The following CLASP2 variants were observed in gnomAD, a reference collection of about 807,000 sequenced individuals.
CLASP2 encodes CLIP-associating protein 2.
Under a neutral mutation model 194.4 loss-of-function variants are expected in CLASP2, and 47 were observed. That is an observed-to-expected ratio of 0.24 (90% CI 0.19 to 0.31). The LOEUF (loss-of-function observed/expected upper bound fraction) is 0.31, where lower values mean the gene tolerates loss of function less well. CLASP2 is among the 10% of genes least tolerant of loss of function. CLASP2 has a pLI of 1.00. For synonymous variants in CLASP2, 619 were observed against 633.5 expected (o/e 0.98, Z 0.34); for missense variants, 1,445 against 1,823.6 (o/e 0.79, Z 3.78).
chr3:33,673,215 G>T (rs1157540143), intron 6 of CLASP2, among the ~76,000 whole-genome samples: 1 of 152,184 alleles, frequency 6.6e-6, no homozygotes, highest in Non-Finnish European at 1.5e-5. Context: ...ACCCACTAAG[G>T]GAAGCCCAAC....
intron 1 of CLASP2, among the ~76,000 whole-genome samples, chr3:33,707,163 C>T (rs983700241): frequency 6.6e-6 from 1 of 152,100 alleles, no homozygotes; most frequent in African/African-American, 2.4e-5. Context: ...GGAAATACAT[C>T]TTGTGATACC....
rs368242483 is a variant in CLASP2 at position 33,591,448 on chromosome 3, TAAAAC to T, written c.2068+942_2068+946del. Among the ~76,000 whole-genome samples the T allele has an allele frequency of 4.0e-4, 61 of 151,710 alleles. No homozygotes were observed. In the East Asian group the frequency reaches 9.8e-3, roughly 24 times the overall value. Reference sequence around the variant, plus strand: ...GGCAACACAGCAAGACCCCATCTCTTAAAACAAACAAAAAATTAGCCAGGCAGTGG... The same window carrying T: ...GGCAACACAGCAAGACCCCATCTCTTAAACAAAAAATTAGCCAGGCAGTGG... On this transcript the variant is annotated intron_variant, in intron 21 of 38. Coordinates refer to ENST00000682230, the MANE Select transcript of CLASP2 (RefSeq NM_001365631.1).
intron 21 of CLASP2, among the ~76,000 whole-genome samples, chr3:33,589,253 GAA>G (rs2068110466): frequency 6.6e-6 from 1 of 151,980 alleles, no homozygotes; most frequent in African/African-American, 2.4e-5. Flanking sequence ...ACTACCAACA[GAA>G]AAAGAGACAC....
intron 7 of CLASP2, among the ~76,000 whole-genome samples, chr3:33,650,274 T>G (rs1053494956): frequency 6.6e-6 from 1 of 152,202 alleles, no homozygotes; most frequent in Admixed American, 6.5e-5. Context: ...CATTAGTGAA[T>G]TGAAAGACAA....
At chr3:33,577,828 T>G (rs1277732694) in intron 23 of CLASP2, among the ~76,000 whole-genome samples, 2 of 152,178 alleles carry the variant, frequency 1.3e-5, no homozygotes, top group Non-Finnish European at 2.9e-5. Context: ...GCTAGCTAGC[T>G]CCTTCTAACA....
In CLASP2 at chr3:33,538,919, T is replaced by G; in HGVS notation, c.3428A>C (p.Asn1143Thr). ...GCTATAAATATCTTCAGAGTTCATATTTTCTGTGTCATAATCAAATGCACT... is the reference window on the plus strand; with the variant it reads ...GCTATAAATATCTTCAGAGTTCATAGTTTCTGTGTCATAATCAAATGCACT... ...SPSAFDYDTE[N>T]MNSEDIYSSL... The change falls in exon 33 of 39, where the codon AAT (asparagine) becomes ACT (threonine). Residue 1143 changes from asparagine to threonine, a missense_variant. Physicochemically the swap from Asn to Thr is moderately conservative, Grantham distance 65. Around this residue, in one of 4 missense-constraint regions of CLASP2, gnomAD observed 732 missense variants for 987.9 expected, o/e 0.74. Coordinates refer to ENST00000682230, the MANE Select transcript of CLASP2 (RefSeq NM_001365631.1). 2 of 1,583,614 alleles carry G rather than the reference T, an allele frequency of 1.3e-6. No homozygotes were observed. Among genetic ancestry groups the G allele is most frequent in the Non-Finnish European group, 1.7e-6 (2 of 1,168,346 alleles).
chr3:33,641,129 T>C (rs1350975852), intron 8 of CLASP2, among the ~76,000 whole-genome samples: 1 of 152,016 alleles, frequency 6.6e-6, no homozygotes, highest in Non-Finnish European at 1.5e-5. Flanking sequence ...TTCTTATATA[T>C]ACATTCTTTC....
chr3:33,594,764 A>G (rs2069782927), intron 20 of CLASP2, among the ~76,000 whole-genome samples, 187 bp downstream of exon 20: 3 of 151,850 alleles, frequency 2.0e-5, no homozygotes, highest in South Asian at 4.2e-4. Flanking sequence ...AGCAGGATGA[A>G]GAATTAAAAA....
rs560791439 is a variant in CLASP2, at chr3:33,500,203, T to G, written c.4434+1449A>C. ...ACATGCAACCATGCTTGGCTAATTT[T>G]TTTTCTTTTTTTGTAGAGACAGGGT... On this transcript the variant is annotated intron_variant, in intron 38 of 38. Transcript: ENST00000682230. 3.9e-5 allele frequency among the ~76,000 whole-genome samples: 6 copies of G among 152,142 alleles called. No homozygotes were observed. In the East Asian group the frequency reaches 1.2e-3, roughly 29 times the overall value.
At chr3:33,498,844 G>A in intron 38 of CLASP2, 127 bp from the exon 39 acceptor site, 1 of 444,986 alleles carries the variant, frequency 2.2e-6, no homozygotes, top group Non-Finnish European at 4.0e-6. Context: ...TTATTATAAT[G>A]CCCAAGTTAT....
intron 29 of CLASP2, chr3:33,558,979 G>C (rs537105095): frequency 3.8e-5 from 14 of 365,686 alleles, no homozygotes; most frequent in African/African-American, 2.5e-4. Context: ...AAAAGACTTA[G>C]AGTCTGGCAT....
intron 3 of CLASP2, among the ~76,000 whole-genome samples, chr3:33,688,902 A>T (rs566967467): frequency 2.4e-4 from 37 of 152,296 alleles, no homozygotes; most frequent in African/African-American, 7.2e-4. Context: ...TCTGTTAGAA[A>T]AAGCATAGAT....
At chr3:33,611,864 AAAAAC>A (rs1231069708) in intron 13 of CLASP2, 132 bp downstream of exon 13, 21 of 638,736 alleles carry the variant, frequency 3.3e-5, no homozygotes, top group South Asian at 1.3e-4. Context: ...ATATGATTAA[AAAAAC>A]AAAACAAAAC....
chr3:33,674,035 G>C (rs888588880), intron 6 of CLASP2, among the ~76,000 whole-genome samples: 8 of 152,036 alleles, frequency 5.3e-5, no homozygotes, highest in Admixed American at 3.9e-4. Context: ...ACAGATCAAC[G>C]AGACAGAAAG....
At chr3:33,624,937 A>G (rs1490952599) in intron 10 of CLASP2, among the ~76,000 whole-genome samples, 1 of 152,122 alleles carries the variant, frequency 6.6e-6, no homozygotes, top group Admixed American at 6.6e-5. Flanking sequence ...AAAAGAAAAC[A>G]GATGCTCTCA....
At chr3:33,572,309 T>C (rs1042045902) in intron 25 of CLASP2, among the ~76,000 whole-genome samples, 1 of 152,202 alleles carries the variant, frequency 6.6e-6, no homozygotes, top group Non-Finnish European at 1.5e-5. Flanking sequence ...ATTGCAATGA[T>C]TCATGACATG....
chr3:33,517,261 A>G (rs1169158228), intron 34 of CLASP2, 87 bp from the exon 35 acceptor site: 8 of 945,972 alleles, frequency 8.5e-6, no homozygotes, highest in Non-Finnish European at 1.1e-5. Flanking sequence ...GATGAAACAC[A>G]GATATAACCA....
intron 4 of CLASP2, among the ~76,000 whole-genome samples, chr3:33,687,957 A>G (rs2090899211): frequency 6.6e-6 from 1 of 152,238 alleles, no homozygotes; most frequent in Non-Finnish European, 1.5e-5. Flanking sequence ...TCATTGAATT[A>G]AAAGCAATTC....
At chr3:33,650,724 G>A (rs2083039846) in intron 7 of CLASP2, among the ~76,000 whole-genome samples, 1 of 151,874 alleles carries the variant, frequency 6.6e-6, no homozygotes, top group African/African-American at 2.4e-5. Context: ...TGGAGGAAGC[G>A]ATAAAAGGAA....
Sources: gnomAD v4.1 joint callset for allele counts (sites outside exome capture counted in the v4.1 genomes callset) on GRCh38, gnomAD v4.1.1 for gene constraint, gnomAD v4.1.1 regional missense constraint, MANE v1.5 for transcripts, NCBI Gene and HGNC (gene_info 2026-07-23, HGNC 2026-07-21) for gene names.